LOC128092252: variants seen among roughly 807,000 people sequenced by gnomAD.
the LOC128092252 span, among the ~76,000 whole-genome samples, chr15:50,672,254 T>C: frequency 6.6e-6 from 1 of 152,084 alleles, no homozygotes; most frequent in East Asian, 1.9e-4. Flanking sequence ...ATTTTCACCA[T>C]GTTAGCCAGG....
At chr15:50,679,523 TATATATATATATATA>T in the LOC128092252 span, among the ~76,000 whole-genome samples, 3 of 44,782 alleles carry the variant, frequency 6.7e-5, 1 homozygote, top group African/African-American at 3.3e-4. Context: ...TATATATATA[TATATATATATATATA>T]TTTTTTTTTT....
chr15:50,679,589 G>A, the LOC128092252 span, among the ~76,000 whole-genome samples: 1 of 136,494 alleles, frequency 7.3e-6, no homozygotes, highest in African/African-American at 3.0e-5. Context: ...AGGCTGGGGT[G>A]CAGTGGCGCA....
At chr15:50,654,045 T>C in the LOC128092252 span, among the ~76,000 whole-genome samples, 1 of 151,836 alleles carries the variant, frequency 6.6e-6, no homozygotes, top group Non-Finnish European at 1.5e-5. Context: ...AAGAAGAAAA[T>C]CAAACCTGAA....
the LOC128092252 span, among the ~76,000 whole-genome samples, chr15:50,674,930 C>A: frequency 2.6e-5 from 4 of 152,098 alleles, no homozygotes; most frequent in African/African-American, 9.7e-5. Context: ...TTGGCAAATC[C>A]ACCCAAAACT....
At chr15:50,663,350 G>A in the LOC128092252 span, among the ~76,000 whole-genome samples, 30 of 152,184 alleles carry the variant, frequency 2.0e-4, no homozygotes, top group East Asian at 1.9e-3. Context: ...GGCTGGTAAC[G>A]CCCGACCTCA....
At chr15:50,679,529 TA>T in the LOC128092252 span, among the ~76,000 whole-genome samples, 64 of 51,712 alleles carry the variant, frequency 1.2e-3, no homozygotes, top group African/African-American at 4.7e-3. Context: ...TATATATATA[TA>T]TATATATATT....
chr15:50,656,288 G>A, the LOC128092252 span, among the ~76,000 whole-genome samples: 2 of 151,916 alleles, frequency 1.3e-5, no homozygotes, highest in Non-Finnish European at 1.5e-5. Flanking sequence ...ATGAAAGACT[G>A]TCAGGTCTTT....
At chr15:50,676,069 T>C in the LOC128092252 span, among the ~76,000 whole-genome samples, 1 of 152,230 alleles carries the variant, frequency 6.6e-6, no homozygotes. Flanking sequence ...GCATGGCACA[T>C]AGTCAAATTT....
the LOC128092252 span, among the ~76,000 whole-genome samples, chr15:50,655,419 C>G: frequency 7.3e-6 from 1 of 136,234 alleles, no homozygotes; most frequent in Admixed American, 8.0e-5. Context: ...GACAACAGAC[C>G]AAGACTCCAT....
At chr15:50,681,601 T>C in the LOC128092252 span, among the ~76,000 whole-genome samples, 1 of 152,198 alleles carries the variant, frequency 6.6e-6, no homozygotes, top group South Asian at 2.1e-4. Context: ...CTGTTAAATT[T>C]CACTTTGCAC....
the LOC128092252 span, among the ~76,000 whole-genome samples, chr15:50,656,279 T>A: frequency 0.18 from 27,561 of 151,784 alleles, 3,226 homozygotes; most frequent in East Asian, 0.46. Flanking sequence ...GGGGCAAATA[T>A]GAAAGACTGT....
the LOC128092252 span, among the ~76,000 whole-genome samples, chr15:50,668,012 T>C: frequency 1.1e-4 from 17 of 152,332 alleles, no homozygotes; most frequent in Middle Eastern, 3.4e-3. Flanking sequence ...TGTTAAATTA[T>C]TGTGTGCCAC....
chr15:50,679,856 A>C, the LOC128092252 span, among the ~76,000 whole-genome samples: 2 of 152,162 alleles, frequency 1.3e-5, no homozygotes, highest in East Asian at 3.9e-4. Flanking sequence ...CTTTTAACAA[A>C]GAGTTACACC....
chr15:50,648,991 T>A, the LOC128092252 span: 1 of 744,612 alleles, frequency 1.3e-6, no homozygotes, highest in East Asian at 3.0e-5. Flanking sequence ...AAAATTTTTA[T>A]ATTTTATATA....
chr15:50,668,815 GATATTTGT>G, the LOC128092252 span, among the ~76,000 whole-genome samples: 4,760 of 152,136 alleles, frequency 0.031, 97 homozygotes, highest in Middle Eastern at 0.096. Flanking sequence ...GCCTACAATA[GATATTTGT>G]ATAAGTGCAG....
At chr15:50,653,894 G>A in the LOC128092252 span, among the ~76,000 whole-genome samples, 1 of 152,126 alleles carries the variant, frequency 6.6e-6, no homozygotes, top group Non-Finnish European at 1.5e-5. Context: ...AGGTCTGGAA[G>A]ACATAGCAGT....
the LOC128092252 span, among the ~76,000 whole-genome samples, chr15:50,659,242 C>T: frequency 1.3e-5 from 2 of 151,056 alleles, no homozygotes; most frequent in African/African-American, 4.9e-5. Flanking sequence ...AGATAAGTTA[C>T]AGTCACAGTG....
chr15:50,654,255 G>A, the LOC128092252 span, among the ~76,000 whole-genome samples: 3 of 151,370 alleles, frequency 2.0e-5, no homozygotes, highest in Middle Eastern at 3.2e-3. Context: ...AGACCAGTCT[G>A]GCCAACATAG....
At chr15:50,655,577 G>C in the LOC128092252 span, among the ~76,000 whole-genome samples, 1 of 148,414 alleles carries the variant, frequency 6.7e-6, no homozygotes, top group African/African-American at 2.5e-5. Context: ...CAAAGGAATA[G>C]AAAAAAAAAA....
Sources: allele counts gnomAD v4.1 joint callset (sites outside exome capture counted in the v4.1 genomes callset), GRCh38; gene constraint gnomAD v4.1.1; transcripts MANE v1.5.